CUX2: variants seen among roughly 807,000 people sequenced by gnomAD.
CUX2 encodes the protein cut like homeobox 2, also known as homeobox protein cut-like 2.
Under a neutral mutation model 144.8 loss-of-function variants are expected in CUX2, and 40 were observed. The ratio of observed to expected loss-of-function variants is 0.28; its 90% CI spans 0.21 to 0.36. The LOEUF is 0.36. Ranked by LOEUF, CUX2 falls within the 10% of genes least tolerant of loss-of-function variation. The pLI is 1.00. For synonymous variants in CUX2, 827 were observed against 875.6 expected (o/e 0.94, Z 0.98); for missense variants, 1,615 against 1,994.0 (o/e 0.81, Z 3.62).
chr12:111,301,801 G>A (rs1275730871), intron 9 of CUX2, among the ~76,000 whole-genome samples: 1 of 152,188 alleles, frequency 6.6e-6, no homozygotes, highest in Non-Finnish European at 1.5e-5. Context: ...CCAGCTAATT[G>A]CTTTAAAACC....
rs560358125 is a variant in CUX2, at chr12:111,320,623, G to C, written c.2614G>C (p.Val872Leu). ...GARLPYYPAY[V>L]PRTLKPTVPP... ...GCGGCTGCCCTACTACCCGGCCTAC[G>C]TGCCGCGCACCCTGAAGCCCACCGT... Residue 872 changes from valine to leucine, a missense_variant, in exon 17 of 22, where the codon GTG becomes CTG. By Grantham distance (32) the Val-to-Leu change is conservative. Coordinates refer to ENST00000261726, the MANE Select transcript of CUX2 (RefSeq NM_015267.4). The surrounding 1 kb of genome is among the most constrained non-coding windows in gnomAD (Gnocchi z 8.1). 7 of 1,586,120 alleles carry C rather than the reference G, an allele frequency of 4.4e-6. No individual in the cohort carries two copies. The African/African-American group carries it at 8.1e-5, about 18-fold the overall frequency.
intron 1 of CUX2, among the ~76,000 whole-genome samples, chr12:111,070,682 T>C (rs563834883): frequency 1.5e-3 from 231 of 152,252 alleles, no homozygotes; most frequent in African/African-American, 5.1e-3. Context: ...TGGACAAGTG[T>C]ATAATGACAT....
intron 1 of CUX2, among the ~76,000 whole-genome samples, chr12:111,080,410 G>T (rs924906643): frequency 2.2e-4 from 34 of 152,004 alleles, no homozygotes; most frequent in African/African-American, 7.3e-4. Flanking sequence ...GGTGGCTCAC[G>T]CCTGTAATCT....
chr12:111,109,985 C>T (rs1873840639), intron 1 of CUX2, among the ~76,000 whole-genome samples: 1 of 152,124 alleles, frequency 6.6e-6, no homozygotes, highest in African/African-American at 2.4e-5. Context: ...AAGCCATCTT[C>T]CTGCCTCAGC....
intron 9 of CUX2, among the ~76,000 whole-genome samples, chr12:111,303,221 GA>G (rs5800927): frequency 0.12 from 5,999 of 49,278 alleles, 209 homozygotes; most frequent in East Asian, 0.28. Flanking sequence ...ACCCTGTCTC[GA>G]AAAAAAAAAA....
chr12:111,249,844 C>T (rs1010932026), intron 3 of CUX2, among the ~76,000 whole-genome samples: 1 of 152,068 alleles, frequency 6.6e-6, no homozygotes, highest in Admixed American at 6.6e-5. Flanking sequence ...CTCCCTCTTC[C>T]CCCACCCCAA....
intron 1 of CUX2, among the ~76,000 whole-genome samples, chr12:111,108,281 A>G (rs1225722523): frequency 1.3e-5 from 2 of 152,188 alleles, no homozygotes; most frequent in Non-Finnish European, 2.9e-5. Context: ...CACTTGCTCA[A>G]GGTGAAGACT....
chr12:111,254,681 A>T (rs977694577), intron 3 of CUX2, among the ~76,000 whole-genome samples: 7 of 152,226 alleles, frequency 4.6e-5, no homozygotes, highest in African/African-American at 1.7e-4. Context: ...GGAATTAATG[A>T]CTTACACCTG....
At chr12:111,280,916 G>T (rs937220000) in intron 4 of CUX2, among the ~76,000 whole-genome samples, 1 of 152,086 alleles carries the variant, frequency 6.6e-6, no homozygotes, top group African/African-American at 2.4e-5. Context: ...TGAACTTGGG[G>T]AAACACTGTT....
In CUX2 at chr12:111,307,202, C is replaced by G. The variant is rs1172272360; in HGVS notation, c.1054C>G (p.Leu352Val). 6.2e-7 allele frequency: 1 copy of G among 1,614,052 alleles called. No homozygotes were observed. The highest frequency in any genetic ancestry group is 8.5e-7 in the Non-Finnish European group (1 of 1,180,042). ...LTAKSEAIEK[L>V]EEKLQAQSDY... Reference sequence around the variant, plus strand: ...CCATCTTTCTTTGCTCTTCTAGAAGCTGGAAGAGAAGCTCCAGGCCCAGTC... The same window carrying G: ...CCATCTTTCTTTGCTCTTCTAGAAGGTGGAAGAGAAGCTCCAGGCCCAGTC... Residue 352 changes from leucine (L) to valine (V), a missense_variant, in exon 12 of 22, where the codon CTG becomes GTG. By Grantham distance (32) the Leu-to-Val change is conservative. Coordinates refer to ENST00000261726, the MANE Select transcript of CUX2 (RefSeq NM_015267.4). This position sits in a 1 kb window ranked among gnomAD's most constrained non-coding sequence, Gnocchi z 4.1.
rs778605501 is a variant in CUX2, at chr12:111,347,988, C to T, written c.4124C>T (p.Pro1375Leu). ...QESEAGERLH[P>L]DPLSFKSASE... Reference sequence around the variant, plus strand: ...AGTGAGGCCGGGGAGCGACTTCACCCGGACCCTTTAAGTTTTAAGTCAGCC... The same window carrying T: ...AGTGAGGCCGGGGAGCGACTTCACCTGGACCCTTTAAGTTTTAAGTCAGCC... The change falls in exon 22 of 22, where the codon CCG becomes CTG. Residue 1375 changes from proline (P) to leucine (L), a missense_variant. Pro to Leu is a moderately conservative substitution (Grantham distance 98). Transcript: ENST00000261726. 4.5e-5 allele frequency: 72 copies of T among 1,613,986 alleles called. 1 individual carries two copies. The highest frequency in any genetic ancestry group is 3.3e-4 in the Admixed American group (20 of 59,998).
chr12:111,340,296 A>G (rs774118479), intron 20 of CUX2, among the ~76,000 whole-genome samples: 1 of 152,176 alleles, frequency 6.6e-6, no homozygotes, highest in Non-Finnish European at 1.5e-5. Flanking sequence ...TTTCTCCCCA[A>G]CATCTTCATG....
At chr12:111,113,125 G>A (rs779763636) in intron 1 of CUX2, among the ~76,000 whole-genome samples, 1 of 152,058 alleles carries the variant, frequency 6.6e-6, no homozygotes, top group South Asian at 2.1e-4. Context: ...CTGGAGCCCC[G>A]AAGTTAATAG....
intron 1 of CUX2, among the ~76,000 whole-genome samples, chr12:111,170,020 G>A (rs988585845): frequency 6.6e-6 from 1 of 152,194 alleles, no homozygotes; most frequent in Non-Finnish European, 1.5e-5. Context: ...CCCATGCAAG[G>A]TACTAGGGGG....
intron 1 of CUX2, among the ~76,000 whole-genome samples, chr12:111,073,770 G>C (rs1871366906): frequency 6.6e-6 from 1 of 151,968 alleles, no homozygotes. Context: ...AACCAGCCTG[G>C]GCAACACAGG....
At chr12:111,241,100 G>T (rs543698211) in intron 3 of CUX2, among the ~76,000 whole-genome samples, 2 of 152,182 alleles carry the variant, frequency 1.3e-5, no homozygotes, top group African/African-American at 2.4e-5. Flanking sequence ...TTGGGAAGCC[G>T]CATCTGGTGA....
chr12:111,159,723 T>G (rs1877627744), intron 1 of CUX2, among the ~76,000 whole-genome samples: 1 of 152,164 alleles, frequency 6.6e-6, no homozygotes, highest in Admixed American at 6.5e-5. Flanking sequence ...AGTGCAGCCC[T>G]ATTTAAAAAC....
rs1413175153 is a variant in CUX2, at chr12:111,320,689, C to G, written c.2680C>G (p.Arg894Gly). ...TPEQYELYMYREVDTLELTRQ... is the reference protein window; with the variant it reads ...TPEQYELYMYGEVDTLELTRQ... ...CGAGCAGTACGAGCTGTACATGTAC[C>G]GTGAGGTAGACACGCTGGAGCTCAC... The change falls in exon 17 of 22, where the codon CGT (arginine) becomes GGT (glycine). Residue 894 changes from arginine to glycine, a missense_variant. By Grantham distance (125) the Arg-to-Gly change is moderately radical. Transcript: ENST00000261726. The surrounding 1 kb of genome is among the most constrained non-coding windows in gnomAD (Gnocchi z 8.1). 1 of 1,595,778 alleles carries G rather than the reference C, an allele frequency of 6.3e-7. No homozygotes were observed. Among genetic ancestry groups the G allele is most frequent in the Non-Finnish European group, 8.5e-7 (1 of 1,178,702 alleles).
At chr12:111,332,436 A>G (rs1048056681) in intron 18 of CUX2, among the ~76,000 whole-genome samples, 3 of 151,990 alleles carry the variant, frequency 2.0e-5, no homozygotes, top group African/African-American at 4.8e-5. Flanking sequence ...CCCGGCCCCA[A>G]TCTAGCTTTT....
Sources: gnomAD v4.1 joint callset for allele counts (sites outside exome capture counted in the v4.1 genomes callset) on GRCh38, gnomAD v4.1.1 for gene constraint, Gnocchi (gnomAD v3.1) non-coding constraint, MANE v1.5 for transcripts, NCBI Gene and HGNC (gene_info 2026-07-23, HGNC 2026-07-21) for gene names.